Variants in C10orf53 observed in about 807,000 individuals in gnomAD.
C10orf53 encodes UPF0728 protein C10orf53.
A neutral mutation model predicts 9.4 loss-of-function variants in C10orf53; 8 were observed. The observed-to-expected ratio is 0.85, with a 90% CI of 0.50 to 1.53. C10orf53 has a LOEUF of 1.53. Ranked by LOEUF, C10orf53 falls within the 40% of genes most tolerant of loss-of-function variation. The pLI, the probability that C10orf53 is intolerant of heterozygous loss-of-function variation, is 0.00. For synonymous variants in C10orf53, 48 were observed against 46.0 expected, an observed-to-expected ratio of 1.04 and a Z score of -0.18; for missense variants, 117 against 117.8, an observed-to-expected ratio of 0.99 and a Z score of 0.03.
Position 49,694,689 on chromosome 10 carries a change from G to T in C10orf53, c.*87G>T. The T allele has an allele frequency of 1.9e-6, 3 of 1,602,316 alleles. No individual in the cohort carries two copies. The Admixed American group carries it at 5.1e-5, about 27-fold the overall frequency. On this transcript the variant is annotated 3_prime_UTR_variant, in exon 3 of 3. Transcript: ENST00000374111. The stretch of plus-strand genomic sequence containing the variant: ...TGCAGGCAGAAGTGGCTGTGCCACG[G>T]TGTGGACACTGGGCTCTGCTAGTCA...
chr10:49,687,276 T>C (rs1016797096), intron 1 of C10orf53, among the ~76,000 whole-genome samples: 3 of 152,236 alleles, frequency 2.0e-5, no homozygotes, highest in Admixed American at 2.0e-4. Flanking sequence ...CCAAAAATTT[T>C]ATTAAAGCAG....
downstream of C10orf53, among the ~76,000 whole-genome samples, chr10:49,699,183 G>A (rs1003298284): frequency 9.6e-6 from 1 of 103,708 alleles, no homozygotes; most frequent in African/African-American, 3.5e-5. Context: ...TGTTTTGGTG[G>A]CTCAATCTTT....
At chr10:49,699,983 G>A (rs113036858), downstream of C10orf53, among the ~76,000 whole-genome samples, 960 of 152,186 alleles carry the variant, frequency 6.3e-3, 19 homozygotes, top group African/African-American at 0.022. Flanking sequence ...CTTTGTGAGC[G>A]TGCATGTCCC....
chr10:49,679,763 G>GCACCA lies in C10orf53; in HGVS notation c.71_75dup (p.Phe26ThrfsTer14), dbSNP rs1564502448. Reference sequence around the variant, plus strand: ...ACAGCGCGGCAGGCCTACCGGTGGAGCACCACACCTTCCGCCTGCAGGGCC... The same window carrying GCACCA: ...ACAGCGCGGCAGGCCTACCGGTGGAGCACCACACCACACCTTCCGCCTGCAGGGCC... On this transcript the variant is annotated frameshift_variant, in exon 1 of 3. Transcript: ENST00000374111. LOFTEE classifies it high-confidence loss of function. The GCACCA allele has an allele frequency of 6.5e-7, 1 of 1,545,450 alleles. No homozygotes were observed. The highest frequency in any genetic ancestry group is 2.5e-5 in the East Asian group (1 of 40,542).
chr10:49,704,818 A>T (rs1840711469), intron 2 of C10orf53, among the ~76,000 whole-genome samples: 1 of 152,220 alleles, frequency 6.6e-6, no homozygotes, highest in African/African-American at 2.4e-5. Context: ...GATGTGGTAA[A>T]CAGGCACTTG....
chr10:49,693,700 A>T, intron 1 of C10orf53, 74 bp from the exon 2 acceptor site: 1 of 1,510,270 alleles, frequency 6.6e-7, no homozygotes, highest in Non-Finnish European at 9.1e-7. Flanking sequence ...TACTGTCATC[A>T]TGAGGACTGC....
chr10:49,694,953 T>G lies in C10orf53; in HGVS notation c.*351T>G. On this transcript the variant is annotated 3_prime_UTR_variant, in exon 3 of 3. Transcript: ENST00000374111. ...ACATAGTTGCCAGAAGCATCTGAGA[T>G]TCCATTGTTTAGTACTCAAAGTGCT... 9.6e-7 allele frequency: 1 copy of G among 1,045,234 alleles called. No homozygotes were observed. The highest frequency in any genetic ancestry group is 1.2e-6 in the Non-Finnish European group (1 of 867,258). 64.7% of individuals were successfully genotyped at this position (1,045,234 alleles called of 1,614,324 possible).
chr10:49,690,923 G>A (rs1153793), intron 1 of C10orf53, among the ~76,000 whole-genome samples: 144,421 of 152,238 alleles, frequency 0.95, 68,842 homozygotes, highest in Middle Eastern at 1. Flanking sequence ...ATGCTGTGCA[G>A]TTCCACCAGC....
chr10:49,684,097 G>C (rs1840505141), intron 1 of C10orf53, among the ~76,000 whole-genome samples: 2 of 152,284 alleles, frequency 1.3e-5, no homozygotes, highest in East Asian at 3.9e-4. Context: ...TTTTGTTAAA[G>C]TGACTGTTCT....
At chr10:49,684,026 A>T (rs997870751) in intron 1 of C10orf53, among the ~76,000 whole-genome samples, 1 of 152,196 alleles carries the variant, frequency 6.6e-6, no homozygotes, top group African/African-American at 2.4e-5. Flanking sequence ...TATATGGTGT[A>T]ATGTAAGGGT....
chr10:49,708,319 A>G (rs1840736648), intron 2 of C10orf53: 20 of 1,602,104 alleles, frequency 1.2e-5, no homozygotes, highest in Non-Finnish European at 1.7e-5. Flanking sequence ...CTCTGTCTCC[A>G]TCTCTTGATG....
chr10:49,689,734 G>A (rs1318679310), intron 1 of C10orf53, among the ~76,000 whole-genome samples: 1 of 152,132 alleles, frequency 6.6e-6, no homozygotes, highest in Non-Finnish European at 1.5e-5. Context: ...GATGCACTGC[G>A]AAGGGAACAA....
chr10:49,694,473 A>T (rs762521740), intron 2 of C10orf53, 65 bp from the exon 3 acceptor site: 2 of 1,599,028 alleles, frequency 1.3e-6, no homozygotes, highest in Non-Finnish European at 1.7e-6. Flanking sequence ...AGCCATAGGT[A>T]TGTCTGATAT....
exon 3 of C10orf53, chr10:49,708,535 C>A: frequency 1.9e-6 from 3 of 1,614,178 alleles, no homozygotes; most frequent in Non-Finnish European, 2.5e-6. Context: ...CATTTCCAAA[C>A]CAATCTTTGT....
intron 1 of C10orf53, among the ~76,000 whole-genome samples, chr10:49,683,149 G>T (rs980365640): frequency 6.6e-6 from 1 of 152,206 alleles, no homozygotes. Flanking sequence ...TTCCAAAGCA[G>T]CTGCACCATT....
chr10:49,693,646 G>C, intron 1 of C10orf53, 128 bp from the exon 2 acceptor site: 3 of 1,178,868 alleles, frequency 2.5e-6, no homozygotes, highest in Admixed American at 2.2e-5. Flanking sequence ...GTGCCTACCA[G>C]GGCAGTTGAG....
At chr10:49,688,773 G>A (rs935053833) in intron 1 of C10orf53, among the ~76,000 whole-genome samples, 47 of 152,244 alleles carry the variant, frequency 3.1e-4, no homozygotes, top group Non-Finnish European at 1.6e-4. Context: ...TCTTTCCTAC[G>A]TGGTCTTCAG....
exon 3 of C10orf53, chr10:49,708,889 C>T: frequency 1.2e-5 from 6 of 480,962 alleles, no homozygotes; most frequent in East Asian, 3.9e-5. Flanking sequence ...CAGCCCCCAC[C>T]ATCTTCTGAA....
chr10:49,685,720 C>T (rs1357969718), intron 1 of C10orf53, among the ~76,000 whole-genome samples: 1 of 152,126 alleles, frequency 6.6e-6, no homozygotes, highest in Non-Finnish European at 1.5e-5. Flanking sequence ...TATTGAGAAT[C>T]TGTGTGTGAT....
Sources: allele counts gnomAD v4.1 joint callset (sites outside exome capture counted in the v4.1 genomes callset), GRCh38; gene constraint gnomAD v4.1.1; transcripts MANE v1.5; gene names NCBI Gene and HGNC (gene_info 2026-07-23, HGNC 2026-07-21).